Variants in GABRA3 observed in about 807,000 individuals in gnomAD.
GABRA3 encodes gamma-aminobutyric acid receptor subunit alpha-3.
GABRA3 carries 10 observed loss-of-function variants against 30.1 expected under a neutral mutation model. That is an observed-to-expected ratio of 0.33 (90% CI 0.20 to 0.56). The LOEUF (loss-of-function observed/expected upper bound fraction) is 0.56, where lower values mean the gene tolerates loss of function less well. Ranked by LOEUF, GABRA3 falls within the 20% of genes least tolerant of loss-of-function variation. GABRA3 has a pLI of 0.89. For synonymous variants in GABRA3, 151 were observed against 146.8 expected (o/e 1.03, Z -0.21); for missense variants, 233 against 392.0 (o/e 0.59, Z 3.42).
intron 2 of GABRA3, among the ~76,000 whole-genome samples, chrX:152,355,685 G>A (rs1373493402): frequency 8.9e-6 from 1 of 111,908 alleles, no homozygotes; most frequent in Non-Finnish European, 1.9e-5. Flanking sequence ...ACAAATTGCA[G>A]TCAGACCTGG....
At position 152,446,496 on chromosome X, in the gene GABRA3, T is replaced by A. The variant is rs946403103; in HGVS notation, c.-27+4650A>T. The stretch of plus-strand genomic sequence containing the variant: ...GTACTCTTCTAATTTTCCTTCCATA[T>A]CCCTGACTTTTTCTCCTTTGTAGCC... On this transcript the variant is annotated intron_variant, in intron 1 of 9. Coordinates refer to ENST00000370314, the MANE Select transcript of GABRA3 (RefSeq NM_000808.4). Among the ~76,000 whole-genome samples the A allele has an allele frequency of 5.5e-5, 6 of 109,360 alleles. 1 individual carries two copies. The East Asian group carries it at 1.4e-3, about 26-fold the overall frequency. The allele number at this position is 109,360 out of a possible 115,157, so 95.0% of individuals were successfully genotyped here. A position where few individuals can be genotyped will look rare whatever the true frequency, so the allele number is the denominator to read the frequency against.
chrX:152,447,386 T>G (rs918561486), intron 1 of GABRA3, among the ~76,000 whole-genome samples: 1 of 111,918 alleles, frequency 8.9e-6, no homozygotes, highest in Non-Finnish European at 1.9e-5. Context: ...AGTAGTCAAG[T>G]TGGCTTTCTA....
At chrX:152,317,555 C>T (rs1292253935) in intron 3 of GABRA3, among the ~76,000 whole-genome samples, 1 of 111,295 alleles carries the variant, frequency 9.0e-6, no homozygotes, top group East Asian at 2.8e-4. Context: ...CCAAGATAGA[C>T]CATATGATAG....
At chrX:152,184,596 T>C (rs1937228967) in intron 9 of GABRA3, among the ~76,000 whole-genome samples, 1 of 111,435 alleles carries the variant, frequency 9.0e-6, no homozygotes, top group South Asian at 3.8e-4. Context: ...ACACAGACTT[T>C]TGTTTTATTC....
chrX:152,447,447 G>T (rs1931115873), intron 1 of GABRA3, among the ~76,000 whole-genome samples: 1 of 111,504 alleles, frequency 9.0e-6, no homozygotes, highest in Non-Finnish European at 1.9e-5. Flanking sequence ...CCCCAATGCA[G>T]AAGAAAGCCC....
intron 9 of GABRA3, among the ~76,000 whole-genome samples, chrX:152,182,502 A>G (rs190688503): frequency 6.9e-4 from 59 of 85,249 alleles, no homozygotes; most frequent in African/African-American, 2.2e-3. Flanking sequence ...TATATAGTAT[A>G]TATACTCTAT....
intron 5 of GABRA3, among the ~76,000 whole-genome samples, chrX:152,225,919 G>GCTT: frequency 9.0e-6 from 1 of 110,619 alleles, no homozygotes; most frequent in East Asian, 2.9e-4. Context: ...TCCCCCAATG[G>GCTT]CTTCTTCCCT....
chrX:152,201,363 AAT>A (rs1158208802), intron 7 of GABRA3, among the ~76,000 whole-genome samples: 1 of 51,194 alleles, frequency 2.0e-5, no homozygotes, highest in Admixed American at 1.8e-4. Flanking sequence ...TCAAGGGTAC[AAT>A]ATAAAACACA....
chrX:152,318,203 T>C (rs1172755971), intron 3 of GABRA3, among the ~76,000 whole-genome samples: 2 of 111,353 alleles, frequency 1.8e-5, no homozygotes, highest in Non-Finnish European at 3.8e-5. Flanking sequence ...CTGCATAATC[T>C]AGAAAACCTA....
chrX:152,326,812 C>G (rs1986843561), intron 3 of GABRA3, among the ~76,000 whole-genome samples: 1 of 111,189 alleles, frequency 9.0e-6, no homozygotes, highest in African/African-American at 3.3e-5. Flanking sequence ...GGAAAATAAA[C>G]AGCTAACATC....
intron 1 of GABRA3, among the ~76,000 whole-genome samples, chrX:152,407,994 C>A (rs1352435799): frequency 5.5e-5 from 6 of 110,081 alleles, no homozygotes; most frequent in South Asian, 3.8e-4. Flanking sequence ...CAAATGATGT[C>A]AAAAAAAAGA....
intron 9 of GABRA3, among the ~76,000 whole-genome samples, chrX:152,178,555 G>A (rs1188533102): frequency 9.0e-6 from 1 of 111,205 alleles, no homozygotes; most frequent in Non-Finnish European, 1.9e-5. Flanking sequence ...TTATTCTAGA[G>A]CATTTGAAAA....
chrX:152,174,376 G>A (rs181528586), intron 9 of GABRA3, among the ~76,000 whole-genome samples: 194 of 111,580 alleles, frequency 1.7e-3, no homozygotes, highest in Admixed American at 0.013. Context: ...ACTGACTTCC[G>A]CAATGGTTGA....
intron 8 of GABRA3, among the ~76,000 whole-genome samples, chrX:152,196,335 T>G (rs374639875): frequency 3.1e-5 from 3 of 96,711 alleles, no homozygotes; most frequent in African/African-American, 1.2e-4. Context: ...AGGCGGGGGG[T>G]TGCAGTGAGC....
chrX:152,316,642 CA>C (rs1416877435), intron 3 of GABRA3, among the ~76,000 whole-genome samples: 1 of 111,896 alleles, frequency 8.9e-6, no homozygotes, highest in East Asian at 2.8e-4. Context: ...GAAAACCTAT[CA>C]AATTAAGAGC....
chrX:152,369,786 G>A (rs1444472244), intron 1 of GABRA3, among the ~76,000 whole-genome samples: 1 of 110,356 alleles, frequency 9.1e-6, no homozygotes, highest in Non-Finnish European at 1.9e-5. Flanking sequence ...CAATGGGGAT[G>A]AGGATTTTGG....
At chrX:152,277,134 C>G (rs1181062400) in intron 4 of GABRA3, among the ~76,000 whole-genome samples, 1 of 111,646 alleles carries the variant, frequency 9.0e-6, no homozygotes, top group Non-Finnish European at 1.9e-5. Flanking sequence ...GTGCCTCAGA[C>G]TGCCAATAAG....
At chrX:152,443,323 A>G (rs948663952) in intron 1 of GABRA3, among the ~76,000 whole-genome samples, 2 of 112,150 alleles carry the variant, frequency 1.8e-5, no homozygotes, top group Non-Finnish European at 3.8e-5. Context: ...ATCGGTAAAA[A>G]TTTTAAAAGA....
intron 3 of GABRA3, among the ~76,000 whole-genome samples, chrX:152,342,162 C>T (rs892392093): frequency 7.1e-5 from 8 of 112,737 alleles, no homozygotes; most frequent in African/African-American, 2.3e-4. Context: ...TGAGCCACCA[C>T]GCCCGGCCCT....
Sources: gnomAD v4.1 joint callset for allele counts (sites outside exome capture counted in the v4.1 genomes callset) on GRCh38, gnomAD v4.1.1 for gene constraint, MANE v1.5 for transcripts, NCBI Gene and HGNC (gene_info 2026-07-23, HGNC 2026-07-21) for gene names.